Variants in TTLL1 observed in about 807,000 individuals in gnomAD.
The protein encoded by TTLL1 is TTL family tubulin polyglutamylase complex subunit L1.
A neutral mutation model predicts 47.8 loss-of-function variants in TTLL1; 33 were observed. That is an observed-to-expected ratio of 0.69 (90% CI 0.52 to 0.92). TTLL1 has a LOEUF of 0.92. TTLL1 is among the 40% of genes least tolerant of loss of function. TTLL1 has a pLI of 0.00. For missense variants in TTLL1, 488 were observed against 547.5 expected (o/e 0.89, Z 1.08); for synonymous variants, 225 against 214.1 (o/e 1.05, Z -0.45).
intron 5 of TTLL1, 125 bp downstream of exon 5, chr22:43,068,285 C>T: frequency 1.2e-6 from 1 of 811,934 alleles, no homozygotes; most frequent in South Asian, 3.7e-5. Context: ...CCACTGTAAT[C>T]CTGCCTGGGC....
chr22:43,072,214 C>T lies in TTLL1; in HGVS notation c.114-2370G>A, dbSNP rs369484424. 1.2e-4 allele frequency among the ~76,000 whole-genome samples: 17 copies of T among 144,616 alleles called. No individual in the cohort carries two copies. In the East Asian group the frequency reaches 1.9e-3, roughly 16 times the overall value. 94.9% of individuals were successfully genotyped at this position (144,616 alleles called of 152,430 possible). On this transcript the variant is annotated intron_variant, in intron 3 of 10. Coordinates refer to ENST00000266254, the MANE Select transcript of TTLL1 (RefSeq NM_012263.5). The stretch of plus-strand genomic sequence containing the variant: ...TGTCGCCCAGGCTGGAGTGTAGTGG[C>T]GTGACCTCGGCTCACTGCAATCTCC...
At chr22:43,077,479 G>T (rs544507461) in intron 2 of TTLL1, among the ~76,000 whole-genome samples, 22 of 152,252 alleles carry the variant, frequency 1.4e-4, no homozygotes, top group African/African-American at 5.3e-4. Flanking sequence ...GTCCCTGCTG[G>T]GGGCCAGGGA....
At chr22:43,046,361 G>A (rs372957466) in intron 10 of TTLL1, 49 bp downstream of exon 10, 103 of 1,602,040 alleles carry the variant, frequency 6.4e-5, no homozygotes, top group Middle Eastern at 5.1e-4. Context: ...TATGGCACAC[G>A]CCATTCGGAA....
intron 2 of TTLL1, 28 bp from the exon 3 acceptor site, chr22:43,075,618 T>G: frequency 1.3e-6 from 2 of 1,597,186 alleles, no homozygotes; most frequent in Non-Finnish European, 1.7e-6. Flanking sequence ...ATTAGAGATA[T>G]GAAACTTCAA....
rs888525930 is a variant in TTLL1 at position 43,087,523 on chromosome 22, C to CAA, written c.-90+1752_-90+1753dup. Among the ~76,000 whole-genome samples the CAA allele has an allele frequency of 5.0e-3, 422 of 83,610 alleles. 1 individual carries two copies. Among genetic ancestry groups the CAA allele is most frequent in the African/African-American group, 0.018 (391 of 21,990 alleles). 54.9% of individuals were successfully genotyped at this position (83,610 alleles called of 152,430 possible). On this transcript the variant is annotated intron_variant, in intron 1 of 10. Transcript: ENST00000266254. The stretch of plus-strand genomic sequence containing the variant: ...CGGGCAACAGAGTGAGACTCCATCT[C>CAA]AAAAAAAAAAAAAAAAAGAAATACA...
intron 1 of TTLL1, among the ~76,000 whole-genome samples, chr22:43,084,150 CA>C (rs993896162): frequency 6.6e-6 from 1 of 151,972 alleles, no homozygotes; most frequent in African/African-American, 2.4e-5. Flanking sequence ...AAACTCTAAA[CA>C]TATTTTTTTT....
At chr22:43,083,420 C>T (rs995402595) in intron 1 of TTLL1, among the ~76,000 whole-genome samples, 1 of 151,982 alleles carries the variant, frequency 6.6e-6, no homozygotes, top group Admixed American at 6.6e-5. Flanking sequence ...AAAATTTTAT[C>T]ACCCACCAAT....
intron 8 of TTLL1, among the ~76,000 whole-genome samples, chr22:43,059,082 C>T (rs543843250): frequency 8.6e-5 from 13 of 151,056 alleles, no homozygotes; most frequent in Middle Eastern, 3.5e-3. Flanking sequence ...CTCTGCCTCC[C>T]GGGTTCAAGT....
chr22:43,039,886 G>C lies in TTLL1; in HGVS notation c.1162C>G (p.Gln388Glu). Residue 388 changes from glutamine (Q) to glutamate (E), a missense_variant, in exon 11 of 11, where the codon CAG (glutamine) becomes GAG (glutamate). By Grantham distance (29) the Gln-to-Glu change is conservative. Coordinates refer to ENST00000266254, the MANE Select transcript of TTLL1 (RefSeq NM_012263.5). ...AGCTCCCGGTCAGCCCCGTCACCCT[G>C]GGCCAATTCTTCATCATACCTGGAG... ...YEILYDEELA[Q>E]GDGADRELRS... 6.2e-7 allele frequency: 1 copy of C among 1,613,748 alleles called. No homozygotes were observed. The highest frequency in any genetic ancestry group is 1.1e-5 in the South Asian group (1 of 91,072).
intron 1 of TTLL1, among the ~76,000 whole-genome samples, chr22:43,087,264 T>C (rs1171045724): frequency 6.6e-6 from 1 of 152,194 alleles, no homozygotes; most frequent in Non-Finnish European, 1.5e-5. Context: ...CTGGAGCTTG[T>C]TAGAAATACA....
intron 8 of TTLL1, among the ~76,000 whole-genome samples, chr22:43,054,527 C>T (rs1926866660): frequency 6.6e-6 from 1 of 151,208 alleles, no homozygotes; most frequent in African/African-American, 2.4e-5. Context: ...CAGGTTCAAG[C>T]GATTCTCTTG....
At chr22:43,062,152 G>C (rs1275354206) in intron 7 of TTLL1, among the ~76,000 whole-genome samples, 1 of 152,090 alleles carries the variant, frequency 6.6e-6, no homozygotes, top group African/African-American at 2.4e-5. Context: ...GCCTCCGATG[G>C]GGCTATGTCC....
chr22:43,054,854 T>C (rs1237431282), intron 8 of TTLL1, among the ~76,000 whole-genome samples: 3 of 150,474 alleles, frequency 2.0e-5, no homozygotes, highest in Non-Finnish European at 4.4e-5. Flanking sequence ...GCCTCCCGAG[T>C]AGCTGGGACT....
intron 10 of TTLL1, among the ~76,000 whole-genome samples, chr22:43,043,689 G>A (rs941112965): frequency 1.3e-5 from 2 of 152,080 alleles, no homozygotes; most frequent in African/African-American, 2.4e-5. Context: ...GCGAGACGCT[G>A]CTTCCCCTGC....
At chr22:43,053,374 T>A (rs1212916985) in intron 8 of TTLL1, among the ~76,000 whole-genome samples, 2 of 152,356 alleles carry the variant, frequency 1.3e-5, no homozygotes, top group African/African-American at 4.8e-5. Flanking sequence ...TGCCTCCTCA[T>A]GTAATTTAGC....
chr22:43,083,407 G>A (rs556471280), intron 1 of TTLL1, among the ~76,000 whole-genome samples: 2 of 151,876 alleles, frequency 1.3e-5, no homozygotes, highest in African/African-American at 4.8e-5. Flanking sequence ...TCTCTCACTG[G>A]CCAAAATTTT....
At chr22:43,073,039 C>G (rs1056586652) in intron 3 of TTLL1, among the ~76,000 whole-genome samples, 6 of 148,922 alleles carry the variant, frequency 4.0e-5, no homozygotes, top group African/African-American at 1.5e-4. Context: ...TTTTTTGAGA[C>G]AGTCTTGCTG....
intron 5 of TTLL1, among the ~76,000 whole-genome samples, chr22:43,067,755 T>C (rs923800949): frequency 1.3e-5 from 2 of 151,804 alleles, no homozygotes; most frequent in African/African-American, 4.8e-5. Flanking sequence ...TGGATCACCC[T>C]GAGGTCAGGA....
intron 1 of TTLL1, among the ~76,000 whole-genome samples, chr22:43,085,632 G>A (rs529364197): frequency 4.4e-4 from 67 of 152,258 alleles, no homozygotes; most frequent in African/African-American, 1.6e-3. Flanking sequence ...TTGTGACTGA[G>A]TCAATTAAAC....
Sources: gnomAD v4.1 joint callset for allele counts (sites outside exome capture counted in the v4.1 genomes callset) on GRCh38, gnomAD v4.1.1 for gene constraint, MANE v1.5 for transcripts, NCBI Gene and HGNC (gene_info 2026-07-23, HGNC 2026-07-21) for gene names.